CNOT3: variants seen among roughly 807,000 people sequenced by gnomAD.
CNOT3 encodes the protein CCR4-associated factor 3.
In CNOT3, 2 loss-of-function variants were observed where a neutral mutation model predicts 89.4. The ratio of observed to expected loss-of-function variants is 0.02; its 90% CI spans 0.01 to 0.07. The LOEUF is 0.07. Ranked by LOEUF, CNOT3 falls within the 10% of genes least tolerant of loss-of-function variation. The pLI, the probability that CNOT3 is intolerant of heterozygous loss-of-function variation, is 1.00. For synonymous variants in CNOT3, 486 were observed against 402.0 expected (o/e 1.21, Z -2.50); for missense variants, 664 against 1,010.2 (o/e 0.66, Z 4.65).
Position 54,142,704 on chromosome 19 carries a change from G to T in CNOT3, c.-50-225G>T, listed in dbSNP as rs1380003503. ...GAGTCAGAGGCACACAAAAAAGTAT[G>T]TAACTTTTCTTGTTTCAACAAACTT... is the stretch of plus-strand genomic sequence containing the variant. On this transcript the variant is annotated intron_variant, in intron 1 of 17. Transcript: ENST00000221232. 17 of 589,506 alleles carry T rather than the reference G, an allele frequency of 2.9e-5. No homozygotes were observed. In the African/African-American group the frequency reaches 3.2e-4, roughly 11 times the overall value. The allele number at this position is 589,506 out of a possible 1,614,324, so 36.5% of individuals were successfully genotyped here. A position where few individuals can be genotyped will look rare whatever the true frequency, so the allele number is the denominator to read the frequency against.
intron 10 of CNOT3, among the ~76,000 whole-genome samples, chr19:54,147,536 A>T (rs1343046086): frequency 6.6e-6 from 1 of 152,178 alleles, no homozygotes; most frequent in African/African-American, 2.4e-5. Flanking sequence ...GGCGCTTGGT[A>T]AGCGCAAGGT....
rs867598687 is a variant in CNOT3, at chr19:54,152,260, C to T, written c.1640C>T (p.Ala547Val). The T allele has an allele frequency of 4.3e-6, 7 of 1,614,182 alleles. No individual in the cohort carries two copies. The highest frequency in any genetic ancestry group is 3.3e-4 in the Middle Eastern group (2 of 6,062). ...PEPLSSLKSM[A>V]ERAAISSGIE... ...CCTCTGAGCTCCTTGAAGTCCATGG[C>T]GGAACGGGCAGCCATCAGCTCTGGC... Residue 547 changes from alanine (A) to valine (V), a missense_variant, in exon 14 of 18, where the codon GCG becomes GTG. By Grantham distance (64) the Ala-to-Val change is moderately conservative. Transcript: ENST00000221232.
intron 13 of CNOT3, 98 bp downstream of exon 13, chr19:54,149,856 G>C: frequency 8.5e-7 from 1 of 1,180,996 alleles, no homozygotes; most frequent in Non-Finnish European, 1.1e-6. Context: ...CCCTCTTTCT[G>C]GATCTCTCTC....
rs587594795 is a variant in CNOT3 at position 54,148,502 on chromosome 19, G to A, written c.1249G>A (p.Gly417Ser). 108 of 1,559,434 alleles carry A rather than the reference G, an allele frequency of 6.9e-5. No homozygotes were observed. The highest frequency in any genetic ancestry group is 8.3e-5 in the Non-Finnish European group (95 of 1,149,252). Residue 417 changes from glycine to serine, a missense_variant, in exon 11 of 18, where the codon GGT becomes AGT. By Grantham distance (56) the Gly-to-Ser change is moderately conservative. Around this residue, in one of 8 missense-constraint regions of CNOT3, gnomAD observed 545 missense variants for 566.2 expected, o/e 0.96. Transcript: ENST00000221232. The surrounding 1 kb of genome is among the most constrained non-coding windows in gnomAD (Gnocchi z 6.3). ...CAGCAGCAGTAGTAACAGCAGTGCC[G>A]GTGGAGGGGCTGGCAAGCAGAATGG... ...GSSSSSNSSA[G>S]GGAGKQNGAT...
At chr19:54,147,760 C>T (rs1451463816) in intron 10 of CNOT3, among the ~76,000 whole-genome samples, 2 of 152,188 alleles carry the variant, frequency 1.3e-5, no homozygotes, top group South Asian at 2.1e-4. Flanking sequence ...TTTCCTTCTA[C>T]TCTTGGACAT....
chr19:54,151,652 C>T (rs2075118492), intron 13 of CNOT3, among the ~76,000 whole-genome samples: 1 of 152,170 alleles, frequency 6.6e-6, no homozygotes, highest in African/African-American at 2.4e-5. Context: ...GGAACAGAAG[C>T]CTGCTGTAAC....
Position 54,149,742 on chromosome 19 carries a change from C to T in CNOT3, c.1589C>T (p.Thr530Ile). The T allele has an allele frequency of 6.2e-7, 1 of 1,610,316 alleles. No homozygotes were observed. Among genetic ancestry groups the T allele is most frequent in the Non-Finnish European group, 8.5e-7 (1 of 1,177,848 alleles). ...ALLNGPPQFSTAPEIKAPEPL... is the reference protein window; with the variant it reads ...ALLNGPPQFSIAPEIKAPEPL... ...CTCAATGGGCCTCCACAGTTCAGCA[C>T]CGCCCCAGAAATCAAGGTGGGCTCC... Residue 530 changes from threonine (T) to isoleucine (I), a missense_variant, in exon 13 of 18, where the codon ACC becomes ATC. Thr to Ile is a moderately conservative substitution (Grantham distance 89). Coordinates refer to ENST00000221232, the MANE Select transcript of CNOT3 (RefSeq NM_014516.4).
chr19:54,154,502 G>A (rs1050037009), intron 17 of CNOT3: 2 of 179,316 alleles, frequency 1.1e-5, no homozygotes, highest in East Asian at 1.4e-4. Context: ...GTACTTAATG[G>A]TGACTGCTAC....
chr19:54,151,371 T>G (rs1199104481), intron 13 of CNOT3, among the ~76,000 whole-genome samples: 4 of 151,726 alleles, frequency 2.6e-5, no homozygotes, highest in African/African-American at 9.7e-5. Flanking sequence ...TGGGACATGG[T>G]GGCACGACAG....
chr19:54,146,279 A>G (rs1334460409), intron 9 of CNOT3, among the ~76,000 whole-genome samples: 1 of 152,124 alleles, frequency 6.6e-6, no homozygotes, highest in Non-Finnish European at 1.5e-5. Flanking sequence ...GGGAAGTGGG[A>G]GGGGCCGGTG....
chr19:54,148,032 G>C lies in CNOT3; in HGVS notation c.895-116G>C, dbSNP rs1359806321. Reference sequence around the variant, plus strand: ...GTCCCCAAGAGGGCAGGAGCAGGTGGGGGCAGCGAGGCCAGAGAGGAGGCT... The same window carrying C: ...GTCCCCAAGAGGGCAGGAGCAGGTGCGGGCAGCGAGGCCAGAGAGGAGGCT... On this transcript the variant is annotated intron_variant, in intron 10 of 17. Transcript: ENST00000221232. The surrounding 1 kb of genome is among the most constrained non-coding windows in gnomAD (Gnocchi z 6.3). 2.7e-6 allele frequency: 2 copies of C among 729,738 alleles called. No homozygotes were observed. The highest frequency in any genetic ancestry group is 4.2e-6 in the Non-Finnish European group (2 of 481,228). 45.2% of individuals were successfully genotyped at this position (729,738 alleles called of 1,614,324 possible).
chr19:54,143,829 GC>G, intron 5 of CNOT3, 80 bp downstream of exon 5: 1 of 1,519,054 alleles, frequency 6.6e-7, no homozygotes, highest in Non-Finnish European at 9.1e-7. Flanking sequence ...AGGCAGAGCG[GC>G]CAGACCCCAG....
rs775049736 is a variant in CNOT3, at chr19:54,152,894, G to C, written c.1932G>C (p.Pro644=). The change falls in exon 16 of 18, where the codon CCG becomes CCC. Residue 644 remains proline, a synonymous_variant. Transcript: ENST00000221232. The part of the protein sequence containing the change: ...IRQYLPRNPC[P]TPPYHHQMPP... ...AGTACCTCCCCCGGAACCCCTGTCC[G>C]ACGCCCCCCTACCACCACCAGATGC... 2.6e-6 allele frequency: 4 copies of C among 1,524,232 alleles called. No individual in the cohort carries two copies. The highest frequency in any genetic ancestry group is 3.6e-6 in the Non-Finnish European group (4 of 1,122,286). The allele number at this position is 1,524,232 out of a possible 1,614,324, so 94.4% of individuals were successfully genotyped here. A position where few individuals can be genotyped will look rare whatever the true frequency, so the allele number is the denominator to read the frequency against.
chr19:54,152,222 C>T lies in CNOT3; in HGVS notation c.1606-4C>T, dbSNP rs746743002. 1 of 1,614,046 alleles carries T rather than the reference C, an allele frequency of 6.2e-7. No homozygotes were observed. ...TCAGGCCAGGCCTCTTGTTTCCTCC[C>T]CAGGCCCCTGAGCCTCTGAGCTCCT... On this transcript the variant is annotated splice_region_variant and splice_polypyrimidine_tract_variant and intron_variant, in intron 13 of 17. Transcript: ENST00000221232.
chr19:54,152,656 T>A, intron 15 of CNOT3, 30 bp downstream of exon 15: 1 of 1,568,484 alleles, frequency 6.4e-7, no homozygotes, highest in Non-Finnish European at 8.8e-7. Flanking sequence ...GGGGATGGTC[T>A]GGGACTTGAG....
In CNOT3 at chr19:54,152,544, A is replaced by C; in HGVS notation, c.1822A>C (p.Thr608Pro). 6.2e-7 allele frequency: 1 copy of C among 1,614,046 alleles called. No individual in the cohort carries two copies. Among genetic ancestry groups the C allele is most frequent in the Non-Finnish European group, 8.5e-7 (1 of 1,179,966 alleles). ...GVCPLGPVPL[T>P]KEQLYQQAME... ...CTGTCCACTGGGCCCTGTGCCCCTC[A>C]CCAAGGAGCAGCTCTATCAGCAGGC... Residue 608 changes from threonine (T) to proline (P), a missense_variant, in exon 15 of 18, where the codon ACC (threonine) becomes CCC (proline). Thr to Pro is a conservative substitution (Grantham distance 38). Coordinates refer to ENST00000221232, the MANE Select transcript of CNOT3 (RefSeq NM_014516.4).
At chr19:54,143,343 G>GGC in intron 3 of CNOT3, 99 bp from the exon 4 acceptor site, 5 of 1,217,910 alleles carry the variant, frequency 4.1e-6, no homozygotes, top group South Asian at 1.2e-5. Flanking sequence ...GGTAGGGGTT[G>GGC]GGGGGGGTCC....
chr19:54,148,404 G>T lies in CNOT3; in HGVS notation c.1151G>T (p.Ser384Ile). 4 of 1,564,846 alleles carry T rather than the reference G, an allele frequency of 2.6e-6. No homozygotes were observed. Among genetic ancestry groups the T allele is most frequent in the Non-Finnish European group, 2.6e-6 (3 of 1,153,994 alleles). ...GCCCCACCAGCTCCCAGTGGGCCCA[G>T]CACGACCCAGCCCCGGCCCCCCAGC... is the stretch of plus-strand genomic sequence containing the variant. ...AVAPPAPSGP[S>I]TTQPRPPSVQ... Residue 384 changes from serine to isoleucine, a missense_variant, in exon 11 of 18, where the codon AGC (serine) becomes ATC (isoleucine). Transcript: ENST00000221232. This position sits in a 1 kb window ranked among gnomAD's most constrained non-coding sequence, Gnocchi z 6.3.
At chr19:54,139,844 C>A (rs959508269) in intron 1 of CNOT3, among the ~76,000 whole-genome samples, 3 of 152,094 alleles carry the variant, frequency 2.0e-5, no homozygotes, top group Non-Finnish European at 2.9e-5. Flanking sequence ...TCCAGCCCCC[C>A]ACCCTTGGCA....
Sources: gnomAD v4.1 joint callset for allele counts (sites outside exome capture counted in the v4.1 genomes callset) on GRCh38, gnomAD v4.1.1 for gene constraint, gnomAD v4.1.1 regional missense constraint, Gnocchi (gnomAD v3.1) non-coding constraint, MANE v1.5 for transcripts, NCBI Gene and HGNC (gene_info 2026-07-23, HGNC 2026-07-21) for gene names.